Variants in AKAIN1 observed in about 807,000 individuals in gnomAD.
The protein encoded by AKAIN1 is A-kinase anchor protein inhibitor 1.
A neutral mutation model predicts 3.7 loss-of-function variants in AKAIN1; 3 were observed. The observed-to-expected ratio is 0.82, with a 90% CI of 0.37 to 2.12. The LOEUF is 2.12. Ranked by LOEUF, AKAIN1 falls within the 30% of genes most tolerant of loss-of-function variation. AKAIN1 has a pLI of 0.06. For synonymous variants in AKAIN1, 31 were observed against 30.8 expected, an observed-to-expected ratio of 1.01 and a Z score of -0.02; for missense variants, 82 against 82.7, an observed-to-expected ratio of 0.99 and a Z score of 0.03.
chr18:5,188,740 G>T (rs1378766402), intron 1 of AKAIN1, among the ~76,000 whole-genome samples: 1 of 152,008 alleles, frequency 6.6e-6, no homozygotes, highest in Non-Finnish European at 1.5e-5. Flanking sequence ...AAATTAACCA[G>T]CAAACAACCC....
chr18:5,154,442 T>G (rs887121797), intron 1 of AKAIN1, among the ~76,000 whole-genome samples: 1 of 152,064 alleles, frequency 6.6e-6, no homozygotes, highest in Non-Finnish European at 1.5e-5. Flanking sequence ...GAAATGTAGG[T>G]TTTCCTCCTT....
chr18:5,165,412 T>C (rs2071162313), intron 1 of AKAIN1, among the ~76,000 whole-genome samples: 1 of 151,948 alleles, frequency 6.6e-6, no homozygotes, highest in African/African-American at 2.4e-5. Flanking sequence ...CAACATCTCC[T>C]TGCCACACTC....
intron 1 of AKAIN1, among the ~76,000 whole-genome samples, chr18:5,156,049 G>C (rs1386444394): frequency 6.6e-6 from 1 of 152,106 alleles, no homozygotes; most frequent in Non-Finnish European, 1.5e-5. Context: ...CAGGAGTTCC[G>C]AAGCAGCTGG....
intron 1 of AKAIN1, among the ~76,000 whole-genome samples, chr18:5,194,714 C>T (rs909495293): frequency 6.6e-6 from 1 of 152,146 alleles, no homozygotes; most frequent in African/African-American, 2.4e-5. Flanking sequence ...ACCCACTGAC[C>T]CAATTTTATG....
Position 5,197,237 on chromosome 18 carries a change from C to T in AKAIN1, c.-184G>A. 1.4e-6 allele frequency: 2 copies of T among 1,382,946 alleles called. No individual in the cohort carries two copies. The highest frequency in any genetic ancestry group is 3.7e-5 in the Admixed American group (1 of 27,276). 85.7% of individuals were successfully genotyped at this position (1,382,946 alleles called of 1,614,324 possible). ...CTGGGGCCGCAGCTCCAGCCGCCGCCGCGCGCTCTGCCTCCACAATGCGGC... is the reference window on the plus strand; with the variant it reads ...CTGGGGCCGCAGCTCCAGCCGCCGCTGCGCGCTCTGCCTCCACAATGCGGC... On this transcript the variant is annotated 5_prime_UTR_variant, in exon 1 of 2. Transcript: ENST00000434239. The surrounding 1 kb of genome is among the most constrained non-coding windows in gnomAD (Gnocchi z 6.9).
rs146227001 is a variant in AKAIN1, at chr18:5,176,439, C to CAAAAAAA, written c.16+20598_16+20599insTTTTTTT. The stretch of plus-strand genomic sequence containing the variant: ...TGGGTGACAGAGTGGGACCCTGTCT[C>CAAAAAAA]AAAAACAAACAAACAAACAAAAAAA... On this transcript the variant is annotated intron_variant, in intron 1 of 1. Coordinates refer to ENST00000434239, the MANE Select transcript of AKAIN1 (RefSeq NM_001145194.2). Among the ~76,000 whole-genome samples, 8 of 150,642 alleles carry CAAAAAAA rather than the reference C, an allele frequency of 5.3e-5. No individual in the cohort carries two copies. The East Asian group carries it at 8.0e-4, about 15-fold the overall frequency.
rs1364623327 is a variant in AKAIN1, at chr18:5,148,270, C to T, written c.17-2515G>A. Among the ~76,000 whole-genome samples the T allele has an allele frequency of 2.0e-5, 3 of 152,198 alleles. No individual in the cohort carries two copies. The East Asian group carries it at 5.8e-4, about 29-fold the overall frequency. ...CTCCAGTGTGTAAGTAGCTCTGCTG[C>T]ATGGGTTATCTAAGGACTCTAACTT... is the stretch of plus-strand genomic sequence containing the variant. On this transcript the variant is annotated intron_variant, in intron 1 of 1. Coordinates refer to ENST00000434239, the MANE Select transcript of AKAIN1 (RefSeq NM_001145194.2).
intron 1 of AKAIN1, among the ~76,000 whole-genome samples, chr18:5,194,228 A>G (rs1018279025): frequency 8.5e-5 from 13 of 152,204 alleles, no homozygotes; most frequent in Admixed American, 4.6e-4. Flanking sequence ...TTAAAAAATT[A>G]GTAGTCATGC....
At chr18:5,194,890 A>T (rs1433690440) in intron 1 of AKAIN1, among the ~76,000 whole-genome samples, 1 of 152,234 alleles carries the variant, frequency 6.6e-6, no homozygotes, top group Non-Finnish European at 1.5e-5. Flanking sequence ...AGTACAAAAC[A>T]TCTGGATTCC....
intron 1 of AKAIN1, among the ~76,000 whole-genome samples, chr18:5,183,146 T>C (rs2071268188): frequency 6.6e-6 from 1 of 152,014 alleles, no homozygotes; most frequent in Non-Finnish European, 1.5e-5. Flanking sequence ...AGGAAAAATA[T>C]AAATAATGGC....
intron 1 of AKAIN1, among the ~76,000 whole-genome samples, chr18:5,159,085 C>CT (rs140827555): frequency 0.088 from 13,329 of 150,962 alleles, 1,572 homozygotes; most frequent in East Asian, 0.26. Context: ...AATCTTGGCT[C>CT]TTTTTACTGT....
At chr18:5,149,572 G>T (rs944968081) in intron 1 of AKAIN1, among the ~76,000 whole-genome samples, 3 of 152,160 alleles carry the variant, frequency 2.0e-5, no homozygotes, top group African/African-American at 7.2e-5. Flanking sequence ...TACCAACCAA[G>T]CACCTCTCCG....
intron 1 of AKAIN1, among the ~76,000 whole-genome samples, chr18:5,156,397 A>G (rs1328822042): frequency 6.6e-6 from 1 of 152,220 alleles, no homozygotes. Context: ...GAATTTAACT[A>G]AATAATCTCT....
intron 1 of AKAIN1, among the ~76,000 whole-genome samples, chr18:5,153,284 T>G (rs1156873053): frequency 6.6e-6 from 1 of 152,240 alleles, no homozygotes; most frequent in African/African-American, 2.4e-5. Context: ...GGAATCAAGA[T>G]GCTTATTGAG....
intron 1 of AKAIN1, among the ~76,000 whole-genome samples, chr18:5,190,976 C>T (rs896924681): frequency 1.4e-4 from 22 of 152,062 alleles, no homozygotes; most frequent in African/African-American, 5.1e-4. Context: ...AAATATTCAA[C>T]ATCTATTGAT....
At position 5,190,550 on chromosome 18, in the gene AKAIN1, G is replaced by A. The variant is rs527505525; in HGVS notation, c.16+6488C>T. Among the ~76,000 whole-genome samples the A allele has an allele frequency of 3.5e-4, 53 of 151,990 alleles. 1 individual carries two copies. The South Asian group carries it at 0.011, about 30-fold the overall frequency. On this transcript the variant is annotated intron_variant, in intron 1 of 1. Coordinates refer to ENST00000434239, the MANE Select transcript of AKAIN1 (RefSeq NM_001145194.2). ...CATTTAAAAAAGAAATTATACAATC[G>A]GTCTTATATAAGCAGAAAAAATTGA...
intron 1 of AKAIN1, among the ~76,000 whole-genome samples, chr18:5,147,842 T>A (rs1050091268): frequency 6.6e-5 from 10 of 152,164 alleles, no homozygotes; most frequent in African/African-American, 2.2e-4. Context: ...TGAATTGCAA[T>A]AGACTGAAGC....
chr18:5,148,475 G>A (rs1004246768), intron 1 of AKAIN1, among the ~76,000 whole-genome samples: 8 of 152,208 alleles, frequency 5.3e-5, no homozygotes, highest in African/African-American at 1.9e-4. Context: ...ACATTCTATT[G>A]AGGGAAACTT....
intron 1 of AKAIN1, among the ~76,000 whole-genome samples, chr18:5,192,285 G>A (rs1286087561): frequency 6.6e-6 from 1 of 152,146 alleles, no homozygotes; most frequent in Non-Finnish European, 1.5e-5. Flanking sequence ...CTGTCTTCCA[G>A]TCTGGAGTGC....
Sources: gnomAD v4.1 joint callset for allele counts (sites outside exome capture counted in the v4.1 genomes callset) on GRCh38, gnomAD v4.1.1 for gene constraint, Gnocchi (gnomAD v3.1) non-coding constraint, MANE v1.5 for transcripts, NCBI Gene and HGNC (gene_info 2026-07-23, HGNC 2026-07-21) for gene names.